METTL15: variants seen among roughly 807,000 people sequenced by gnomAD.
METTL15 encodes methyltransferase 15, mitochondrial 12S rRNA N4-cytidine.
In METTL15, 34 loss-of-function variants were observed where a neutral mutation model predicts 38.3. The ratio of observed to expected loss-of-function variants is 0.89; its 90% CI spans 0.68 to 1.18. METTL15 has a LOEUF of 1.18. Ranked by LOEUF, METTL15 falls within the 50% of genes most tolerant of loss-of-function variation. The pLI is 0.00. For synonymous variants in METTL15, 162 were observed against 170.9 expected (o/e 0.95, Z 0.41); for missense variants, 438 against 498.4 (o/e 0.88, Z 1.15).
At chr11:28,221,511 C>T (rs967089175) in intron 4 of METTL15, among the ~76,000 whole-genome samples, 1 of 152,004 alleles carries the variant, frequency 6.6e-6, no homozygotes, top group Non-Finnish European at 1.5e-5. Context: ...TTTGTACTTC[C>T]TCCTTTAGCT....
At chr11:28,241,177 A>G (rs1397019411) in intron 4 of METTL15, among the ~76,000 whole-genome samples, 1 of 152,220 alleles carries the variant, frequency 6.6e-6, no homozygotes, top group Non-Finnish European at 1.5e-5. Context: ...AGCAAGGCAG[A>G]TCCTATAATA....
chr11:28,393,599 C>T (rs1850535346), intron 5 of METTL15, among the ~76,000 whole-genome samples: 2 of 152,080 alleles, frequency 1.3e-5, no homozygotes, highest in Admixed American at 6.6e-5. Context: ...GCCTCTCTAC[C>T]TGGGCCTACA....
At chr11:28,282,368 C>CA (rs1856088490) in intron 4 of METTL15, among the ~76,000 whole-genome samples, 1 of 152,148 alleles carries the variant, frequency 6.6e-6, no homozygotes, top group African/African-American at 2.4e-5. Flanking sequence ...TAAAAATTCT[C>CA]AATCAGCAGC....
chr11:28,396,402 G>A (rs900838100), intron 5 of METTL15, among the ~76,000 whole-genome samples: 1 of 152,104 alleles, frequency 6.6e-6, no homozygotes, highest in South Asian at 2.1e-4. Context: ...AAAGTCTCAG[G>A]ATACAAAATC....
intron 5 of METTL15, among the ~76,000 whole-genome samples, chr11:28,391,112 G>C (rs980534506): frequency 2.6e-5 from 4 of 152,058 alleles, no homozygotes; most frequent in African/African-American, 9.7e-5. Context: ...TTGCTTATCA[G>C]CTTAAGGAGA....
intron 6 of METTL15, among the ~76,000 whole-genome samples, chr11:28,314,123 A>T (rs1433406655): frequency 6.6e-6 from 1 of 152,240 alleles, no homozygotes; most frequent in East Asian, 1.9e-4. Flanking sequence ...ATTGGACATC[A>T]GAGAATTGTA....
chr11:28,304,562 A>G (rs1857017280), intron 6 of METTL15, among the ~76,000 whole-genome samples: 1 of 152,058 alleles, frequency 6.6e-6, no homozygotes, highest in African/African-American at 2.4e-5. Context: ...CTAAAACTAC[A>G]AAAATTAGCC....
intron 4 of METTL15, among the ~76,000 whole-genome samples, chr11:28,214,225 G>A (rs1852769119): frequency 6.6e-6 from 1 of 151,920 alleles, no homozygotes; most frequent in South Asian, 2.1e-4. Flanking sequence ...GTAGAGATGA[G>A]GTCTCTCTAT....
chr11:28,176,903 G>C (rs971256022), intron 3 of METTL15, among the ~76,000 whole-genome samples: 16 of 152,046 alleles, frequency 1.1e-4, no homozygotes, highest in Non-Finnish European at 1.6e-4. Flanking sequence ...TGTTATTCTT[G>C]TCAAAGTGGA....
chr11:28,346,430 T>C (rs1564902370), intron 3 of METTL15, among the ~76,000 whole-genome samples: 2 of 152,176 alleles, frequency 1.3e-5, no homozygotes, highest in African/African-American at 2.4e-5. Flanking sequence ...ATTTTATAGG[T>C]GTTTCTTATG....
chr11:28,265,515 G>A (rs1331189138), intron 4 of METTL15, among the ~76,000 whole-genome samples: 1 of 151,258 alleles, frequency 6.6e-6, no homozygotes, highest in Non-Finnish European at 1.5e-5. Flanking sequence ...CCCAAATACA[G>A]TAGTATCTGG....
downstream of METTL15, among the ~76,000 whole-genome samples, chr11:28,335,151 C>CA (rs756398215): frequency 2.6e-5 from 4 of 152,286 alleles, no homozygotes; most frequent in South Asian, 6.2e-4. Context: ...AGCAATAACA[C>CA]TTGTCTGCCT....
At chr11:28,383,510 A>G (rs1310983098) in intron 5 of METTL15, among the ~76,000 whole-genome samples, 1 of 152,078 alleles carries the variant, frequency 6.6e-6, no homozygotes, top group East Asian at 1.9e-4. Context: ...TTGAATGGTA[A>G]TTCTATTTTA....
intron 5 of METTL15, among the ~76,000 whole-genome samples, chr11:28,415,621 C>A (rs1243893596): frequency 6.6e-6 from 1 of 152,170 alleles, no homozygotes; most frequent in Non-Finnish European, 1.5e-5. Flanking sequence ...AGTACTCTTT[C>A]TACTACAGTA....
chr11:28,146,479 T>C (rs1044446089), intron 3 of METTL15, among the ~76,000 whole-genome samples: 6 of 152,052 alleles, frequency 3.9e-5, no homozygotes, highest in African/African-American at 1.4e-4. Flanking sequence ...AATTGTTCTT[T>C]GGTATTTAGA....
At chr11:28,257,519 A>T (rs1565205917) in intron 4 of METTL15, among the ~76,000 whole-genome samples, 1 of 152,200 alleles carries the variant, frequency 6.6e-6, no homozygotes, top group East Asian at 1.9e-4. Flanking sequence ...TAAGGCCAGT[A>T]ACTCTTAGAT....
intron 3 of METTL15, among the ~76,000 whole-genome samples, chr11:28,208,361 T>C (rs1244891921): frequency 4.6e-5 from 7 of 152,180 alleles, no homozygotes; most frequent in African/African-American, 1.7e-4. Context: ...CTTCATTTCG[T>C]TATGTACCCC....
At chr11:28,406,819 G>T (rs1850678527) in intron 5 of METTL15, among the ~76,000 whole-genome samples, 1 of 152,148 alleles carries the variant, frequency 6.6e-6, no homozygotes, top group Non-Finnish European at 1.5e-5. Context: ...TTGGCTGCGG[G>T]TTTGTCATAA....
intron 3 of METTL15, chr11:28,197,449 C>T: frequency 2.6e-6 from 1 of 377,382 alleles, no homozygotes; most frequent in South Asian, 2.3e-5. Flanking sequence ...AGATTTTGTT[C>T]ATGTGTATTG....
Sources: allele counts gnomAD v4.1 joint callset (sites outside exome capture counted in the v4.1 genomes callset), GRCh38; gene constraint gnomAD v4.1.1; transcripts MANE v1.5; gene names NCBI Gene and HGNC (gene_info 2026-07-23, HGNC 2026-07-21).